The following SNTG1 variants were observed in gnomAD, a reference collection of about 807,000 sequenced individuals.
The protein encoded by SNTG1 is gamma-1-syntrophin.
Under a neutral mutation model 74.7 loss-of-function variants are expected in SNTG1, and 39 were observed. The observed-to-expected ratio is 0.52, with a 90% CI of 0.40 to 0.68. The LOEUF is 0.68. SNTG1 is among the 30% of genes least tolerant of loss of function. The pLI, the probability that SNTG1 is intolerant of heterozygous loss-of-function variation, is 0.00. For missense variants in SNTG1, 685 were observed against 609.5 expected (o/e 1.12, Z -1.30); for synonymous variants, 254 against 217.1 (o/e 1.17, Z -1.49).
At chr8:50,259,726 A>G (rs776150728) in intron 2 of SNTG1, among the ~76,000 whole-genome samples, 13 of 152,128 alleles carry the variant, frequency 8.5e-5, no homozygotes, top group Non-Finnish European at 1.8e-4. Flanking sequence ...TATAAGAAAA[A>G]GCTGAACAAA....
chr8:50,607,077 T>A (rs936234837), intron 13 of SNTG1, among the ~76,000 whole-genome samples: 4 of 152,076 alleles, frequency 2.6e-5, no homozygotes, highest in African/African-American at 7.2e-5. Flanking sequence ...TCAAATTCGA[T>A]ATGTTACATT....
chr8:50,268,226 G>T (rs183945992), intron 2 of SNTG1, among the ~76,000 whole-genome samples: 33 of 152,242 alleles, frequency 2.2e-4, no homozygotes, highest in African/African-American at 7.5e-4. Flanking sequence ...TATGCTAGAA[G>T]TCACAAAATG....
chr8:50,790,903 G>T (rs2095689008), intron 18 of SNTG1, among the ~76,000 whole-genome samples: 1 of 151,790 alleles, frequency 6.6e-6, no homozygotes, highest in Non-Finnish European at 1.5e-5. Context: ...TTTTAATAAA[G>T]AGATGGCAGA....
At chr8:50,719,388 T>G (rs758910888) in intron 17 of SNTG1, among the ~76,000 whole-genome samples, 5 of 152,144 alleles carry the variant, frequency 3.3e-5, no homozygotes, top group Non-Finnish European at 7.3e-5. Context: ...CAAGGCACTA[T>G]TTTCGAAGCA....
intron 17 of SNTG1, among the ~76,000 whole-genome samples, chr8:50,729,105 G>T (rs1331079459): frequency 6.6e-6 from 1 of 152,190 alleles, no homozygotes; most frequent in Non-Finnish European, 1.5e-5. Flanking sequence ...TGGCATATTT[G>T]CTAGTTGTTG....
intron 13 of SNTG1, among the ~76,000 whole-genome samples, chr8:50,635,373 G>A (rs970864121): frequency 2.0e-5 from 3 of 152,114 alleles, no homozygotes; most frequent in African/African-American, 7.2e-5. Context: ...CTTTCCCTTA[G>A]GGGCAGTGAG....
At chr8:50,489,553 G>A (rs1052175947) in intron 8 of SNTG1, among the ~76,000 whole-genome samples, 1 of 152,140 alleles carries the variant, frequency 6.6e-6, no homozygotes, top group Admixed American at 6.5e-5. Context: ...TCATATGTTT[G>A]TTGGCTGCAT....
intron 1 of SNTG1, among the ~76,000 whole-genome samples, chr8:50,057,148 C>A (rs35122483): frequency 0.17 from 25,894 of 151,980 alleles, 2,506 homozygotes; most frequent in Middle Eastern, 0.27. Context: ...TCTATCATTT[C>A]TTTCATTTTT....
intron 15 of SNTG1, among the ~76,000 whole-genome samples, chr8:50,662,648 A>G (rs995346193): frequency 6.6e-6 from 1 of 152,194 alleles, no homozygotes; most frequent in African/African-American, 2.4e-5. Flanking sequence ...GTAAATATTG[A>G]TAATTTGGGA....
chr8:50,536,856 G>T (rs756783973), intron 11 of SNTG1, 48 bp downstream of exon 11: 39 of 1,601,514 alleles, frequency 2.4e-5, no homozygotes, highest in Non-Finnish European at 2.9e-5. Flanking sequence ...TGAAAAAAGA[G>T]ACCTTTTAGA....
At chr8:50,508,945 T>A (rs1364394437) in intron 9 of SNTG1, among the ~76,000 whole-genome samples, 1 of 152,222 alleles carries the variant, frequency 6.6e-6, no homozygotes, top group Non-Finnish European at 1.5e-5. Flanking sequence ...TTTGTCAATA[T>A]TGGCTTTTGT....
At chr8:50,329,900 T>G (rs150672686) in intron 2 of SNTG1, among the ~76,000 whole-genome samples, 1 of 152,156 alleles carries the variant, frequency 6.6e-6, no homozygotes, top group Non-Finnish European at 1.5e-5. Flanking sequence ...CAATTTCAGA[T>G]CATCTCTTTC....
chr8:50,378,619 G>A (rs1226558535), intron 2 of SNTG1, among the ~76,000 whole-genome samples: 2 of 152,116 alleles, frequency 1.3e-5, no homozygotes, highest in Admixed American at 6.5e-5. Context: ...CTTTCTTCAG[G>A]CAGGATATCC....
At chr8:50,399,399 A>G (rs1444767559) in intron 3 of SNTG1, among the ~76,000 whole-genome samples, 1 of 152,182 alleles carries the variant, frequency 6.6e-6, no homozygotes, top group African/African-American at 2.4e-5. Context: ...CTTTGGCCAT[A>G]TAGAAATTAA....
chr8:50,081,493 C>A (rs1822405108), intron 1 of SNTG1, among the ~76,000 whole-genome samples: 1 of 151,968 alleles, frequency 6.6e-6, no homozygotes, highest in South Asian at 2.1e-4. Context: ...TTATTTTTTC[C>A]TGTACTATTT....
chr8:50,680,734 C>T (rs2095327611), intron 15 of SNTG1, among the ~76,000 whole-genome samples: 1 of 152,038 alleles, frequency 6.6e-6, no homozygotes, highest in African/African-American at 2.4e-5. Context: ...CATCCTAGGG[C>T]TCTGGTGACG....
At chr8:50,082,576 C>A (rs377320163) in intron 1 of SNTG1, among the ~76,000 whole-genome samples, 3 of 152,056 alleles carry the variant, frequency 2.0e-5, no homozygotes, top group Non-Finnish European at 2.9e-5. Flanking sequence ...ATCTTAAGAG[C>A]GGTAAAAGAA....
chr8:50,198,632 C>G (rs2083869009), intron 2 of SNTG1, among the ~76,000 whole-genome samples: 1 of 152,096 alleles, frequency 6.6e-6, no homozygotes. Context: ...AGTAAAGCAT[C>G]CATTTCTTTT....
intron 1 of SNTG1, among the ~76,000 whole-genome samples, chr8:50,068,978 C>T (rs1301716778): frequency 6.6e-6 from 1 of 152,128 alleles, no homozygotes; most frequent in Non-Finnish European, 1.5e-5. Flanking sequence ...TTGTTCTTGA[C>T]AAAATTGAAA....
Sources: gnomAD v4.1 joint callset for allele counts (sites outside exome capture counted in the v4.1 genomes callset) on GRCh38, gnomAD v4.1.1 for gene constraint, MANE v1.5 for transcripts, NCBI Gene and HGNC (gene_info 2026-07-23, HGNC 2026-07-21) for gene names.